Variants in SKA2 observed in about 807,000 individuals in gnomAD.
SKA2 encodes spindle and kinetochore-associated protein 2.
In SKA2, 13 loss-of-function variants were observed where a neutral mutation model predicts 16.9. That is an observed-to-expected ratio of 0.77 (90% CI 0.50 to 1.22). SKA2 has a LOEUF of 1.22. SKA2 is among the 50% of genes most tolerant of loss of function. The probability of loss-of-function intolerance (pLI) is 0.00; values close to 1 mark genes in which losing one functional copy is unlikely to be tolerated. For synonymous variants in SKA2, 47 were observed against 48.5 expected (o/e 0.97, Z 0.13); for missense variants, 107 against 139.7 (o/e 0.77, Z 1.18).
intron 1 of SKA2, among the ~76,000 whole-genome samples, chr17:59,154,303 G>C (rs570473827): frequency 5.3e-5 from 8 of 152,186 alleles, no homozygotes; most frequent in Non-Finnish European, 1.0e-4. Context: ...GGGAGGGAGG[G>C]AATAAAGAGA....
chr17:59,142,565 C>T (rs553971140), intron 1 of SKA2, among the ~76,000 whole-genome samples: 62 of 150,858 alleles, frequency 4.1e-4, no homozygotes, highest in African/African-American at 1.5e-3. Context: ...GCTAGGATTA[C>T]AGGCGTGAGT....
At position 59,139,396 on chromosome 17, in the gene SKA2, CAAAAAAA is replaced by C. The variant is rs113246125; in HGVS notation, c.34-8036_34-8030del. ...TGGGCAACAGAGCAAGACTCCGTCT[CAAAAAAA>C]AAAAAAAAAAAAAAAGAAATGCATT... On this transcript the variant is annotated intron_variant, in intron 1 of 3. Coordinates refer to ENST00000330137, the MANE Select transcript of SKA2 (RefSeq NM_182620.4). Among the ~76,000 whole-genome samples the C allele has an allele frequency of 1.4e-3, 68 of 50,350 alleles. No homozygotes were observed. The South Asian group carries it at 0.024, about 18-fold the overall frequency. The allele number at this position is 50,350 out of a possible 152,430, so 33.0% of individuals were successfully genotyped here.
At chr17:59,115,558 A>G (rs771495648) in intron 3 of SKA2, among the ~76,000 whole-genome samples, 3 of 152,110 alleles carry the variant, frequency 2.0e-5, no homozygotes, top group Non-Finnish European at 4.4e-5. Flanking sequence ...CTACCTCAAA[A>G]AAAGGAAATG....
chr17:59,155,039 C>T, intron 1 of SKA2, 92 bp downstream of exon 1: 13 of 1,614,006 alleles, frequency 8.1e-6, no homozygotes, highest in Non-Finnish European at 1.1e-5. Flanking sequence ...CTCCGCCGCC[C>T]GGAGTTTCCG....
chr17:59,140,335 T>C (rs1316716159), intron 1 of SKA2, among the ~76,000 whole-genome samples: 1 of 152,096 alleles, frequency 6.6e-6, no homozygotes, highest in East Asian at 1.9e-4. Flanking sequence ...TTCAAGCGAT[T>C]CTCCTGCCTC....
intron 1 of SKA2, among the ~76,000 whole-genome samples, chr17:59,149,339 C>T (rs1407510474): frequency 1.3e-5 from 2 of 151,976 alleles, no homozygotes; most frequent in African/African-American, 4.8e-5. Context: ...GAGACTTCAT[C>T]TCTACAAAAA....
At chr17:59,125,986 A>C (rs2147802010) in intron 2 of SKA2, among the ~76,000 whole-genome samples, 1 of 151,942 alleles carries the variant, frequency 6.6e-6, no homozygotes, top group Non-Finnish European at 1.5e-5. Flanking sequence ...CCTGGCTAAC[A>C]CAGTGAAACC....
intron 1 of SKA2, chr17:59,137,808 TACTCAGAACTATTTACAC>T (rs1391884708): frequency 1.9e-6 from 1 of 531,360 alleles, no homozygotes; most frequent in Non-Finnish European, 3.9e-6. Flanking sequence ...AATATTGCAC[TACTCAGAACTATTTACAC>T]AGCAGAGACA....
chr17:59,144,801 TAG>T (rs2046519536), intron 1 of SKA2, among the ~76,000 whole-genome samples: 4 of 152,058 alleles, frequency 2.6e-5, no homozygotes, highest in Admixed American at 2.6e-4. Flanking sequence ...ATAATGGGTA[TAG>T]AGTTTCTTTT....
intron 3 of SKA2, among the ~76,000 whole-genome samples, chr17:59,117,354 G>T (rs2046303493): frequency 3.3e-5 from 5 of 151,958 alleles, no homozygotes; most frequent in Non-Finnish European, 7.4e-5. Flanking sequence ...TTTCATATCT[G>T]TATTCCCTCT....
intron 1 of SKA2, among the ~76,000 whole-genome samples, chr17:59,136,835 C>T (rs1047576457): frequency 1.3e-5 from 2 of 152,140 alleles, no homozygotes; most frequent in African/African-American, 4.8e-5. Flanking sequence ...GTGTGAGCTA[C>T]CACGCCCAGC....
At chr17:59,152,132 G>A (rs1316366436) in intron 1 of SKA2, among the ~76,000 whole-genome samples, 1 of 152,062 alleles carries the variant, frequency 6.6e-6, no homozygotes, top group Non-Finnish European at 1.5e-5. Context: ...TACCTTTTGT[G>A]TACAGTCACT....
At chr17:59,117,728 T>C (rs140427694) in intron 3 of SKA2, among the ~76,000 whole-genome samples, 1,835 of 152,150 alleles carry the variant, frequency 0.012, 18 homozygotes, top group Middle Eastern at 0.041. Flanking sequence ...CCCAGCATAC[T>C]ACCTCATTTT....
At chr17:59,132,960 G>A (rs1333849267) in intron 1 of SKA2, among the ~76,000 whole-genome samples, 1 of 152,182 alleles carries the variant, frequency 6.6e-6, no homozygotes, top group East Asian at 1.9e-4. Context: ...ATGGATATAT[G>A]ACAGTGTTAA....
intron 3 of SKA2, among the ~76,000 whole-genome samples, chr17:59,113,078 C>G (rs2046273986): frequency 6.6e-6 from 1 of 151,736 alleles, no homozygotes; most frequent in African/African-American, 2.4e-5. Context: ...TAATTTTTAG[C>G]TGGGCATGGT....
At chr17:59,126,909 C>T (rs762671136) in intron 2 of SKA2, among the ~76,000 whole-genome samples, 3 of 152,150 alleles carry the variant, frequency 2.0e-5, no homozygotes, top group Non-Finnish European at 2.9e-5. Context: ...GTGGTACATA[C>T]ATTCAATGGA....
chr17:59,150,233 C>T, intron 1 of SKA2, among the ~76,000 whole-genome samples: 1 of 152,130 alleles, frequency 6.6e-6, no homozygotes, highest in East Asian at 1.9e-4. Context: ...TAGTCGCTGC[C>T]CTCCAGCTGG....
rs192642304 is a variant in SKA2 at position 59,111,477 on chromosome 17, A to C, written c.*800T>G. 1.4e-4 allele frequency: 21 copies of C among 152,338 alleles called. No homozygotes were observed. In the East Asian group the frequency reaches 3.7e-3, roughly 27 times the overall value. The allele number at this position is 152,338 out of a possible 1,614,324, so 9.4% of individuals were successfully genotyped here. A position where few individuals can be genotyped will look rare whatever the true frequency, so the allele number is the denominator to read the frequency against. On this transcript the variant is annotated 3_prime_UTR_variant, in exon 4 of 4. Transcript: ENST00000330137. ...ATTTTAAAATAAATAGTTATTTTAAAGGGAAATTGACACATACATATAACA... is the reference window on the plus strand; with the variant it reads ...ATTTTAAAATAAATAGTTATTTTAACGGGAAATTGACACATACATATAACA...
intron 1 of SKA2, among the ~76,000 whole-genome samples, chr17:59,148,432 T>C (rs1053533088): frequency 6.6e-6 from 1 of 151,760 alleles, no homozygotes; most frequent in South Asian, 2.1e-4. Context: ...AATAAAAAAA[T>C]TTTTTTGAGA....
Sources: allele counts gnomAD v4.1 joint callset (sites outside exome capture counted in the v4.1 genomes callset), GRCh38; gene constraint gnomAD v4.1.1; transcripts MANE v1.5; gene names NCBI Gene and HGNC (gene_info 2026-07-23, HGNC 2026-07-21).